Variants in PIRT observed in about 807,000 individuals in gnomAD.
The protein encoded by PIRT is phosphoinositide interacting regulator of transient receptor potential channels.
In PIRT, 6 loss-of-function variants were observed where a neutral mutation model predicts 7.9. The observed-to-expected ratio is 0.76, with a 90% CI of 0.42 to 1.51. The LOEUF (loss-of-function observed/expected upper bound fraction) is 1.51, where lower values mean the gene tolerates loss of function less well. Among genes scored for constraint, PIRT ranks in the 40% most tolerant of loss-of-function variants. The pLI is 0.01. For synonymous variants in PIRT, 78 were observed against 71.8 expected, an observed-to-expected ratio of 1.09 and a Z score of -0.44; for missense variants, 170 against 172.9, an observed-to-expected ratio of 0.98 and a Z score of 0.09.
At chr17:10,833,196 C>T (rs1233913100) in intron 1 of PIRT, among the ~76,000 whole-genome samples, 3 of 152,300 alleles carry the variant, frequency 2.0e-5, no homozygotes, top group Non-Finnish European at 4.4e-5. Context: ...CTTGATCCCA[C>T]TTGACGTCAT....
chr17:10,829,953 A>AGATG (rs1567616435), intron 1 of PIRT, among the ~76,000 whole-genome samples: 1 of 147,762 alleles, frequency 6.8e-6, no homozygotes, highest in South Asian at 2.2e-4. Context: ...TCCACTATGT[A>AGATG]GATGTCTGTC....
chr17:10,831,557 G>C (rs1014990844), intron 1 of PIRT, among the ~76,000 whole-genome samples: 1 of 152,100 alleles, frequency 6.6e-6, no homozygotes, highest in Non-Finnish European at 1.5e-5. Context: ...CTCGAGGCTG[G>C]GAGAGAGGCA....
In PIRT at chr17:10,824,790, T is replaced by C; in HGVS notation, c.*442A>G. ...TCAGAGCTCAGCCATCCCTCCCTCC[T>C]CTGTAAAGGACCTCCGTGGGTCAGT... On this transcript the variant is annotated 3_prime_UTR_variant, in exon 2 of 2. Coordinates refer to ENST00000580256, the MANE Select transcript of PIRT (RefSeq NM_001101387.2). The C allele has an allele frequency of 5.9e-6, 1 of 170,364 alleles. No homozygotes were observed. The highest frequency in any genetic ancestry group is 1.3e-5 in the Non-Finnish European group (1 of 78,276). The allele number at this position is 170,364 out of a possible 1,614,324, so 10.6% of individuals were successfully genotyped here. A position where few individuals can be genotyped will look rare whatever the true frequency, so the allele number is the denominator to read the frequency against.
Position 10,825,735 on chromosome 17 carries a change from C to A in PIRT, c.-90G>T. ...CCTCACACACCCTTCCTGTACTCAG[C>A]ATCCATCTCTAGCCCCGCTCTCAGT... On this transcript the variant is annotated 5_prime_UTR_variant, in exon 2 of 2. The change abolishes an upstream ATG in the 5' untranslated region. Coordinates refer to ENST00000580256, the MANE Select transcript of PIRT (RefSeq NM_001101387.2). 1 of 1,297,672 alleles carries A rather than the reference C, an allele frequency of 7.7e-7. No individual in the cohort carries two copies. Among genetic ancestry groups the A allele is most frequent in the African/African-American group, 1.5e-5 (1 of 66,956 alleles). 80.4% of individuals were successfully genotyped at this position (1,297,672 alleles called of 1,614,324 possible).
chr17:10,834,920 G>C (rs1389803360), intron 1 of PIRT, among the ~76,000 whole-genome samples: 1 of 148,650 alleles, frequency 6.7e-6, no homozygotes, highest in African/African-American at 2.5e-5. Context: ...TTTAACTACA[G>C]AAGGTTAGAA....
intron 1 of PIRT, among the ~76,000 whole-genome samples, chr17:10,828,717 C>T (rs967655918): frequency 3.3e-5 from 5 of 152,200 alleles, no homozygotes; most frequent in African/African-American, 7.2e-5. Context: ...TCAATTTCAG[C>T]GGAGTCCCTC....
intron 1 of PIRT, among the ~76,000 whole-genome samples, chr17:10,826,110 C>T (rs2151533214): frequency 6.6e-6 from 1 of 152,136 alleles, no homozygotes; most frequent in East Asian, 1.9e-4. Context: ...ATTCCAGGCA[C>T]CTGCCATGAA....
chr17:10,824,780 C>T lies in PIRT; in HGVS notation c.*452G>A. 1 of 167,096 alleles carries T rather than the reference C, an allele frequency of 6.0e-6. No individual in the cohort carries two copies. Among genetic ancestry groups the T allele is most frequent in the South Asian group, 1.6e-4 (1 of 6,162 alleles). The allele number at this position is 167,096 out of a possible 1,614,324, so 10.4% of individuals were successfully genotyped here. On this transcript the variant is annotated 3_prime_UTR_variant, in exon 2 of 2. Transcript: ENST00000580256. ...ACCCAATGGGTCAGAGCTCAGCCAT[C>T]CCTCCCTCCTCTGTAAAGGACCTCC...
chr17:10,830,642 T>C (rs370111498), intron 1 of PIRT, among the ~76,000 whole-genome samples: 1 of 152,104 alleles, frequency 6.6e-6, no homozygotes, highest in African/African-American at 2.4e-5. Flanking sequence ...AATGAAGGAG[T>C]TTTCTTAGCT....
intron 1 of PIRT, among the ~76,000 whole-genome samples, chr17:10,836,919 C>T (rs898270101): frequency 2.6e-5 from 4 of 152,190 alleles, no homozygotes; most frequent in African/African-American, 9.7e-5. Flanking sequence ...CCAGCTCCAG[C>T]TTGCCAGTGG....
intron 1 of PIRT, among the ~76,000 whole-genome samples, chr17:10,834,740 G>A (rs919290653): frequency 1.1e-4 from 17 of 151,950 alleles, no homozygotes; most frequent in African/African-American, 2.9e-4. Flanking sequence ...TACAGGCACC[G>A]CCACCATGCC....
chr17:10,834,899 T>TG (rs1491560568), intron 1 of PIRT, among the ~76,000 whole-genome samples: 40 of 110,462 alleles, frequency 3.6e-4, no homozygotes, highest in Non-Finnish European at 5.7e-4. Context: ...GTTGTTTGTT[T>TG]TTTTTTTTTT....
chr17:10,835,127 G>A (rs745459447), intron 1 of PIRT, among the ~76,000 whole-genome samples: 28 of 152,132 alleles, frequency 1.8e-4, no homozygotes, highest in African/African-American at 4.3e-4. Context: ...CTAAGTGACC[G>A]CTCACCTCGC....
In PIRT at chr17:10,825,437, A is replaced by C. The variant is rs1375061757; in HGVS notation, c.209T>G (p.Val70Gly). The C allele has an allele frequency of 6.2e-7, 1 of 1,613,938 alleles. No individual in the cohort carries two copies. Among genetic ancestry groups the C allele is most frequent in the African/African-American group, 1.3e-5 (1 of 75,024 alleles). ...SVGGAILLFG[V>G]VITCLAYTLK... Reference sequence around the variant, plus strand: ...GGTGTAGGCCAAGCAGGTGATGACCACGCCGAAAAGCAGGATGGCACCGCC... The same window carrying C: ...GGTGTAGGCCAAGCAGGTGATGACCCCGCCGAAAAGCAGGATGGCACCGCC... The change falls in exon 2 of 2, where the codon GTG becomes GGG. Residue 70 changes from valine (V) to glycine (G), a missense_variant. Transcript: ENST00000580256.
At chr17:10,836,358 C>T (rs1022851920) in intron 1 of PIRT, among the ~76,000 whole-genome samples, 7 of 152,150 alleles carry the variant, frequency 4.6e-5, no homozygotes, top group African/African-American at 1.2e-4. Flanking sequence ...TGTCCTCCTT[C>T]GAACGTGCTG....
intron 1 of PIRT, among the ~76,000 whole-genome samples, chr17:10,831,243 A>G (rs568387423): frequency 6.6e-6 from 1 of 152,266 alleles, no homozygotes; most frequent in African/African-American, 2.4e-5. Context: ...AGTTACTGGT[A>G]GTTTGGTTTG....
intron 1 of PIRT, among the ~76,000 whole-genome samples, chr17:10,831,179 A>T (rs1905454443): frequency 6.6e-6 from 1 of 152,168 alleles, no homozygotes; most frequent in Admixed American, 6.5e-5. Context: ...GTCGGGGACA[A>T]GGTAACACTC....
chr17:10,829,977 A>ATCTGTCTATCTATCTATCTG (rs1468213521), intron 1 of PIRT, among the ~76,000 whole-genome samples: 2 of 111,614 alleles, frequency 1.8e-5, no homozygotes, highest in Admixed American at 9.1e-5. Flanking sequence ...CTATCTATCT[A>ATCTGTCTATCTATCTATCTG]TCTATCTATC....
chr17:10,827,334 T>C (rs1385757802), intron 1 of PIRT, among the ~76,000 whole-genome samples: 1 of 152,202 alleles, frequency 6.6e-6, no homozygotes, highest in African/African-American at 2.4e-5. Flanking sequence ...TGGTCACCCA[T>C]GTGGAGCAAT....
Sources: gnomAD v4.1 joint callset for allele counts (sites outside exome capture counted in the v4.1 genomes callset) on GRCh38, gnomAD v4.1.1 for gene constraint, MANE v1.5 for transcripts, NCBI Gene and HGNC (gene_info 2026-07-23, HGNC 2026-07-21) for gene names.